Variants in MAD1L1 observed in about 807,000 individuals in gnomAD.
MAD1L1 encodes mitotic arrest deficient 1 like 1.
Under a neutral mutation model 96.9 loss-of-function variants are expected in MAD1L1, and 95 were observed. The ratio of observed to expected loss-of-function variants is 0.98; its 90% CI spans 0.83 to 1.16. The LOEUF is 1.16. Among genes scored for constraint, MAD1L1 ranks in the 50% most tolerant of loss-of-function variants. The pLI is 0.00. For synonymous variants in MAD1L1, 473 were observed against 396.6 expected, an observed-to-expected ratio of 1.19 and a Z score of -2.29; for missense variants, 1,007 against 954.4, an observed-to-expected ratio of 1.06 and a Z score of -0.73.
At chr7:2,055,857 T>C (rs1304341136) in intron 12 of MAD1L1, among the ~76,000 whole-genome samples, 1 of 147,216 alleles carries the variant, frequency 6.8e-6, no homozygotes, top group Non-Finnish European at 1.5e-5. Context: ...CAGGCGCCTG[T>C]AATCCCAGCT....
rs752707543 is a variant in MAD1L1 at position 1,936,915 on chromosome 7, G to C, written c.1597-18C>G. The C allele has an allele frequency of 1.0e-5, 16 of 1,565,278 alleles. No homozygotes were observed. The highest frequency in any genetic ancestry group is 7.0e-5 in the East Asian group (3 of 43,090). On this transcript the variant is annotated intron_variant, in intron 16 of 18. Coordinates refer to ENST00000265854, the MANE Select transcript of MAD1L1 (RefSeq NM_001013836.2). ...TAGTCACCCTGCAGGAACACACACA[G>C]CACAGGTCACCATGGCCCAGGCACA... is the stretch of plus-strand genomic sequence containing the variant.
In MAD1L1 at chr7:1,968,629, C is replaced by A. The variant is rs1262931522; in HGVS notation, c.1506-10910G>T. 6.6e-6 allele frequency among the ~76,000 whole-genome samples: 1 copy of A among 152,232 alleles called. No individual in the cohort carries two copies. Among genetic ancestry groups the A allele is most frequent in the Non-Finnish European group, 1.5e-5 (1 of 68,044 alleles). ...CAGGTCCGCTGTCAACGCCTCAGTC[C>A]AGCGGTCAGGTCCACCTGCTGTTGC... On this transcript the variant is annotated intron_variant, in intron 15 of 18. Transcript: ENST00000265854. The surrounding 1 kb of genome is among the most constrained non-coding windows in gnomAD (Gnocchi z 5.6).
At chr7:2,165,725 C>T (rs1448536935) in intron 10 of MAD1L1, among the ~76,000 whole-genome samples, 1 of 141,876 alleles carries the variant, frequency 7.0e-6, no homozygotes, top group Non-Finnish European at 1.6e-5. Context: ...AGGTGGCAGA[C>T]TCCCCATCCC....
chr7:1,900,325 G>A (rs1695512629), intron 17 of MAD1L1, among the ~76,000 whole-genome samples: 1 of 152,224 alleles, frequency 6.6e-6, no homozygotes, highest in Non-Finnish European at 1.5e-5. Flanking sequence ...GGGCTGGGAG[G>A]ATATGGGGCC....
rs533345790 is a variant in MAD1L1 at position 1,881,918 on chromosome 7, C to A, written c.1998+16282G>T. On this transcript the variant is annotated intron_variant, in intron 18 of 18. Coordinates refer to ENST00000265854, the MANE Select transcript of MAD1L1 (RefSeq NM_001013836.2). ...TGAGGAACGCTGTGATTTTGGTCAG[C>A]AGTCCTGTGTGGCTGGTGCCACGGT... 2.1e-3 allele frequency among the ~76,000 whole-genome samples: 320 copies of A among 152,354 alleles called. 1 individual carries two copies. Among genetic ancestry groups the A allele is most frequent in the African/African-American group, 7.2e-3 (301 of 41,582 alleles).
chr7:1,977,208 G>C (rs1045025025), intron 15 of MAD1L1, among the ~76,000 whole-genome samples: 1 of 152,246 alleles, frequency 6.6e-6, no homozygotes, highest in African/African-American at 2.4e-5. Flanking sequence ...CCCACGGCTG[G>C]GGGTGGGTGT....
intron 14 of MAD1L1, among the ~76,000 whole-genome samples, chr7:1,983,142 G>C (rs57849703): frequency 1.0e-5 from 1 of 96,772 alleles, no homozygotes. Context: ...ACGCGCGCGC[G>C]CGCGCGCGCG....
intron 11 of MAD1L1, among the ~76,000 whole-genome samples, chr7:2,124,498 C>T (rs1055560417): frequency 6.6e-6 from 1 of 152,210 alleles, no homozygotes; most frequent in Non-Finnish European, 1.5e-5. Context: ...CACCCACAGC[C>T]TGAGGGGACA....
chr7:2,071,835 G>T (rs1367212739), intron 11 of MAD1L1, among the ~76,000 whole-genome samples: 1 of 151,904 alleles, frequency 6.6e-6, no homozygotes, highest in Non-Finnish European at 1.5e-5. Context: ...CTTCCCGGAG[G>T]GTGGCGGCCT....
intron 11 of MAD1L1, among the ~76,000 whole-genome samples, chr7:2,124,765 C>T (rs1233921555): frequency 6.6e-6 from 1 of 152,180 alleles, no homozygotes; most frequent in Admixed American, 6.5e-5. Flanking sequence ...GTGCCCGGCG[C>T]TTGTGGGAGA....
At chr7:2,026,458 T>C (rs993174046) in intron 12 of MAD1L1, among the ~76,000 whole-genome samples, 9 of 152,196 alleles carry the variant, frequency 5.9e-5, no homozygotes, top group Non-Finnish European at 1.3e-4. Flanking sequence ...TATGTAGCTA[T>C]TTACAAAACA....
intron 11 of MAD1L1, among the ~76,000 whole-genome samples, chr7:2,070,963 G>A (rs1785096496): frequency 6.6e-6 from 1 of 152,152 alleles, no homozygotes; most frequent in Admixed American, 6.5e-5. Context: ...CTGGTGGATG[G>A]TGCTTTCTTG....
At chr7:2,038,956 G>A (rs1783561234) in intron 12 of MAD1L1, among the ~76,000 whole-genome samples, 1 of 152,072 alleles carries the variant, frequency 6.6e-6, no homozygotes, top group African/African-American at 2.4e-5. Flanking sequence ...CCCGTATGCC[G>A]ACAATGATAC....
At position 1,980,455 on chromosome 7, in the gene MAD1L1, G is replaced by A. The variant is rs772062212; in HGVS notation, c.1503C>T (p.Leu501=). Residue 501 remains leucine, a splice_region_variant and synonymous_variant, in exon 15 of 19, where the codon CTC becomes CTT. Transcript: ENST00000265854. ...FLFSREEADT[L]RLKVEELEGE... ...CGCCTCCTCTCTGGGGGACGTACCT[G>A]AGCGTGTCCGCCTCCTCCCTGGAGA... 1.2e-6 allele frequency: 2 copies of A among 1,610,828 alleles called. No homozygotes were observed. Among genetic ancestry groups the A allele is most frequent in the Admixed American group, 1.7e-5 (1 of 59,676 alleles).
chr7:1,980,635 G>T, intron 14 of MAD1L1, 94 bp from the exon 15 acceptor site: 1 of 976,574 alleles, frequency 1.0e-6, no homozygotes, highest in Non-Finnish European at 1.6e-6. Context: ...ACCCCTGGCA[G>T]CACCCCCGCC....
chr7:1,822,001 C>T (rs1008532454), intron 18 of MAD1L1, among the ~76,000 whole-genome samples: 5 of 152,078 alleles, frequency 3.3e-5, no homozygotes, highest in East Asian at 1.9e-4. Context: ...AATCACATGA[C>T]GGCACACGTG....
intron 17 of MAD1L1, among the ~76,000 whole-genome samples, chr7:1,924,577 G>A (rs1788989865): frequency 6.6e-6 from 1 of 152,272 alleles, no homozygotes; most frequent in East Asian, 1.9e-4. Flanking sequence ...GGACACTGCT[G>A]GGCAAGCAAA....
At chr7:2,118,169 G>A (rs553843288) in intron 11 of MAD1L1, among the ~76,000 whole-genome samples, 57 of 152,308 alleles carry the variant, frequency 3.7e-4, no homozygotes, top group African/African-American at 1.3e-3. Context: ...CCACAATGCC[G>A]GACGCTGTGC....
At chr7:2,036,981 C>T (rs889444311) in intron 12 of MAD1L1, among the ~76,000 whole-genome samples, 1 of 152,050 alleles carries the variant, frequency 6.6e-6, no homozygotes, top group Admixed American at 6.5e-5. Flanking sequence ...CACAGCTCCC[C>T]CCACAGCACG....
Sources: gnomAD v4.1 joint callset for allele counts (sites outside exome capture counted in the v4.1 genomes callset) on GRCh38, gnomAD v4.1.1 for gene constraint, Gnocchi (gnomAD v3.1) non-coding constraint, MANE v1.5 for transcripts, NCBI Gene and HGNC (gene_info 2026-07-23, HGNC 2026-07-21) for gene names.